Variants in FGF5 observed in about 807,000 individuals in gnomAD.
The protein encoded by FGF5 is heparin-binding growth factor 5.
A neutral mutation model predicts 21.8 loss-of-function variants in FGF5; 23 were observed. The ratio of observed to expected loss-of-function variants is 1.05; its 90% CI spans 0.76 to 1.49. The LOEUF is 1.49. Ranked by LOEUF, FGF5 falls within the 40% of genes most tolerant of loss-of-function variation. The pLI is 0.00. For missense variants in FGF5, 352 were observed against 332.9 expected (o/e 1.06, Z -0.45); for synonymous variants, 158 against 124.0 (o/e 1.27, Z -1.82).
At chr4:80,284,667 T>C (rs1720659304) in intron 2 of FGF5, among the ~76,000 whole-genome samples, 1 of 152,224 alleles carries the variant, frequency 6.6e-6, no homozygotes, top group African/African-American at 2.4e-5. Flanking sequence ...TTGGAAATGC[T>C]CTGATATTGG....
intron 1 of FGF5, among the ~76,000 whole-genome samples, chr4:80,271,692 C>T (rs1560498191): frequency 1.3e-5 from 2 of 152,142 alleles, no homozygotes; most frequent in Non-Finnish European, 2.9e-5. Flanking sequence ...ATACCATCTA[C>T]AAGACAAGCT....
intron 2 of FGF5, among the ~76,000 whole-genome samples, chr4:80,284,235 A>T (rs985233939): frequency 2.0e-5 from 3 of 152,190 alleles, no homozygotes; most frequent in African/African-American, 7.2e-5. Flanking sequence ...GGAATTCGAG[A>T]CAAGCCTGGC....
At chr4:80,285,082 A>C (rs1410182791) in intron 2 of FGF5, among the ~76,000 whole-genome samples, 1 of 152,156 alleles carries the variant, frequency 6.6e-6, no homozygotes, top group Non-Finnish European at 1.5e-5. Context: ...TTGGATTCTC[A>C]TAACAGCCCT....
chr4:80,277,204 C>G (rs905821276), intron 2 of FGF5, among the ~76,000 whole-genome samples: 9 of 152,104 alleles, frequency 5.9e-5, no homozygotes, highest in African/African-American at 2.2e-4. Flanking sequence ...ATCTGTTATT[C>G]TTTCTCATCT....
intron 2 of FGF5, among the ~76,000 whole-genome samples, chr4:80,280,568 G>A (rs1464460254): frequency 6.6e-6 from 1 of 152,090 alleles, no homozygotes; most frequent in Non-Finnish European, 1.5e-5. Flanking sequence ...TAAATCACAG[G>A]TCTATTCTGG....
chr4:80,268,964 T>C (rs750695286), intron 1 of FGF5, among the ~76,000 whole-genome samples: 1 of 152,272 alleles, frequency 6.6e-6, no homozygotes, highest in Non-Finnish European at 1.5e-5. Context: ...GTCCTTCTCA[T>C]TTTGTCTCAA....
chr4:80,272,582 G>A (rs34884739), intron 1 of FGF5, among the ~76,000 whole-genome samples: 1,654 of 152,086 alleles, frequency 0.011, 20 homozygotes, highest in African/African-American at 0.037. Flanking sequence ...TTAAAAGTTA[G>A]CATATAAACA....
At chr4:80,269,004 C>T (rs1720194899) in intron 1 of FGF5, among the ~76,000 whole-genome samples, 1 of 152,206 alleles carries the variant, frequency 6.6e-6, no homozygotes, top group African/African-American at 2.4e-5. Flanking sequence ...GCCATCACAG[C>T]TTATTCCCAC....
At chr4:80,286,286 C>T (rs774997439) in intron 2 of FGF5, 39 bp from the exon 3 acceptor site, 28 of 1,379,830 alleles carry the variant, frequency 2.0e-5, no homozygotes, top group Middle Eastern at 3.7e-4. Context: ...CTGAAAAGAT[C>T]GCCACAACTT....
At chr4:80,281,229 G>A (rs1720545272) in intron 2 of FGF5, among the ~76,000 whole-genome samples, 2 of 151,954 alleles carry the variant, frequency 1.3e-5, no homozygotes, top group South Asian at 2.1e-4. Flanking sequence ...TATAAAAAAC[G>A]AACTGAGTTT....
intron 2 of FGF5, among the ~76,000 whole-genome samples, chr4:80,285,009 A>G (rs35042559): frequency 0.055 from 8,372 of 152,236 alleles, 316 homozygotes; most frequent in Non-Finnish European, 0.083. Context: ...CTAGTACAGG[A>G]ATTCTTAATT....
rs778270075 is a variant in FGF5, at chr4:80,267,089, G to C, written c.265G>C (p.Gly89Arg). 1.4e-5 allele frequency: 22 copies of C among 1,614,200 alleles called. 1 individual carries two copies. In the Admixed American group the frequency reaches 2.8e-4, roughly 21 times the overall value. The change falls in exon 1 of 3, where the codon GGC becomes CGC. Residue 89 changes from glycine (G) to arginine (R), a missense_variant. Gly to Arg is a moderately radical substitution (Grantham distance 125). Coordinates refer to ENST00000312465, the MANE Select transcript of FGF5 (RefSeq NM_004464.4). ...GTGGAGCCCCTCGGGGCGCCGGACC[G>C]GCAGCCTCTACTGCAGAGTGGGCAT... The part of the protein sequence containing the change: ...FQWSPSGRRT[G>R]SLYCRVGIGF...
intron 1 of FGF5, among the ~76,000 whole-genome samples, chr4:80,272,578 G>A (rs1423447370): frequency 6.6e-6 from 1 of 152,046 alleles, no homozygotes; most frequent in Non-Finnish European, 1.5e-5. Flanking sequence ...CATCTTAAAA[G>A]TTAGCATATA....
Position 80,286,750 on chromosome 4 carries a change from A to G in FGF5, c.*78A>G. 1 of 1,052,452 alleles carries G rather than the reference A, an allele frequency of 9.5e-7. No individual in the cohort carries two copies. Among genetic ancestry groups the G allele is most frequent in the South Asian group, 1.5e-5 (1 of 66,360 alleles). 65.2% of individuals were successfully genotyped at this position (1,052,452 alleles called of 1,614,324 possible). ...GGTGTCTTCAGAGTTCTGAAGAAAA[A>G]TTACTGGACACAGCTTCAGCTATAC... On this transcript the variant is annotated 3_prime_UTR_variant, in exon 3 of 3. Coordinates refer to ENST00000312465, the MANE Select transcript of FGF5 (RefSeq NM_004464.4).
rs1035281363 is a variant in FGF5 at position 80,268,872 on chromosome 4, G to C, written c.355+1693G>C. ...TCATCGAATAACTGCTCATTTGGGGGATAAAGGGCAAGATCTGTTGGGGTG... is the reference window on the plus strand; with the variant it reads ...TCATCGAATAACTGCTCATTTGGGGCATAAAGGGCAAGATCTGTTGGGGTG... On this transcript the variant is annotated intron_variant, in intron 1 of 2. Transcript: ENST00000312465. 3.0e-4 allele frequency among the ~76,000 whole-genome samples: 46 copies of C among 152,216 alleles called. 1 individual carries two copies. Among genetic ancestry groups the C allele is most frequent in the Non-Finnish European group, 3.7e-4 (25 of 68,030 alleles).
chr4:80,270,898 C>G (rs1190203190), intron 1 of FGF5, among the ~76,000 whole-genome samples: 1 of 152,122 alleles, frequency 6.6e-6, no homozygotes, highest in South Asian at 2.1e-4. Context: ...TAGACAGTCC[C>G]CCAAGCCTAG....
intron 1 of FGF5, among the ~76,000 whole-genome samples, chr4:80,269,724 A>G (rs1720215315): frequency 6.6e-6 from 1 of 151,666 alleles, no homozygotes; most frequent in African/African-American, 2.4e-5. Context: ...TGTACCCAAT[A>G]TAAGATACCT....
chr4:80,277,168 AATAATGCAG>A (rs1720436491), intron 2 of FGF5, among the ~76,000 whole-genome samples: 1 of 152,170 alleles, frequency 6.6e-6, no homozygotes, highest in African/African-American at 2.4e-5. Flanking sequence ...GGCTGGTTGA[AATAATGCAG>A]ATAATGCAAA....
chr4:80,282,019 A>G (rs112589372), intron 2 of FGF5, among the ~76,000 whole-genome samples: 5 of 152,116 alleles, frequency 3.3e-5, no homozygotes, highest in African/African-American at 1.2e-4. Context: ...CTAGAGTGCA[A>G]TGGTAGGATC....
Sources: allele counts gnomAD v4.1 joint callset (sites outside exome capture counted in the v4.1 genomes callset), GRCh38; gene constraint gnomAD v4.1.1; transcripts MANE v1.5; gene names NCBI Gene and HGNC (gene_info 2026-07-23, HGNC 2026-07-21).